FDCSP: variants seen among roughly 807,000 people sequenced by gnomAD.
The protein encoded by FDCSP is follicular dendritic cell secreted protein, also known as follicular dendritic cell secreted peptide.
Under a neutral mutation model 8.9 loss-of-function variants are expected in FDCSP, and 8 were observed. That is an observed-to-expected ratio of 0.90 (90% confidence interval 0.53 to 1.63). FDCSP has a LOEUF of 1.63. FDCSP is among the 40% of genes most tolerant of loss of function. The probability of loss-of-function intolerance (pLI) is 0.00; values close to 1 mark genes in which losing one functional copy is unlikely to be tolerated. For synonymous variants in FDCSP, 34 were observed against 34.5 expected, an observed-to-expected ratio of 0.98 and a Z score of 0.06; for missense variants, 101 against 103.6, an observed-to-expected ratio of 0.98 and a Z score of 0.11.
chr4:70,232,883 A>G, intron 2 of FDCSP, 111 bp from the exon 3 acceptor site: 1 of 959,370 alleles, frequency 1.0e-6, no homozygotes, highest in Non-Finnish European at 1.6e-6. Context: ...GTATTTTAAA[A>G]AATGGTTATT....
intron 1 of FDCSP, among the ~76,000 whole-genome samples, chr4:70,227,395 A>C (rs566103082): frequency 5.1e-4 from 77 of 151,874 alleles, no homozygotes; most frequent in Non-Finnish European, 1.0e-3. Flanking sequence ...GTATCAGAAA[A>C]TAAAGGCAGA....
At chr4:70,230,600 G>A (rs1408226831) in intron 1 of FDCSP, among the ~76,000 whole-genome samples, 2 of 151,564 alleles carry the variant, frequency 1.3e-5, no homozygotes, top group African/African-American at 4.8e-5. Context: ...ATGATCCATG[G>A]ACTGCAGGAT....
chr4:70,227,182 G>A (rs1730000841), intron 1 of FDCSP, among the ~76,000 whole-genome samples: 2 of 151,646 alleles, frequency 1.3e-5, no homozygotes, highest in Non-Finnish European at 3.0e-5. Context: ...CATAGAAAGT[G>A]GACTATGTAT....
intron 3 of FDCSP, 128 bp from the exon 4 acceptor site, chr4:70,233,892 A>G (rs920488245): frequency 8.7e-6 from 7 of 806,304 alleles, no homozygotes; most frequent in Non-Finnish European, 1.4e-5. Context: ...CACAGAAAGG[A>G]TAAAGGATTT....
rs527350549 is a variant in FDCSP, at chr4:70,226,554, A to G, written c.-1+372A>G. ...GCAAACAGAGGGAATACGCCCCGCCAGAGATTCTCTAAAGTCTGAGCAAGT... is the reference window on the plus strand; with the variant it reads ...GCAAACAGAGGGAATACGCCCCGCCGGAGATTCTCTAAAGTCTGAGCAAGT... On this transcript the variant is annotated intron_variant, in intron 1 of 4. Transcript: ENST00000317987. Among the ~76,000 whole-genome samples, 10 of 151,982 alleles carry G rather than the reference A, an allele frequency of 6.6e-5. No homozygotes were observed. In the South Asian group the frequency reaches 2.1e-3, roughly 31 times the overall value.
intron 2 of FDCSP, among the ~76,000 whole-genome samples, chr4:70,231,510 G>A (rs1730082744): frequency 6.6e-6 from 1 of 151,518 alleles, no homozygotes; most frequent in African/African-American, 2.4e-5. Context: ...TGAACCTAAT[G>A]ACATTGTGGC....
intron 4 of FDCSP, 49 bp from the exon 5 acceptor site, chr4:70,235,036 G>T (rs534811825): frequency 2.0e-5 from 3 of 151,616 alleles, no homozygotes; most frequent in African/African-American, 7.2e-5. Context: ...ATGTTTCCAA[G>T]AAAATGACCC....
intron 1 of FDCSP, among the ~76,000 whole-genome samples, chr4:70,226,493 C>T (rs1000771592): frequency 1.3e-5 from 2 of 151,598 alleles, no homozygotes; most frequent in African/African-American, 2.4e-5. Context: ...ACAACAGAGC[C>T]TCAGGTTTAT....
intron 2 of FDCSP, 64 bp from the exon 3 acceptor site, chr4:70,232,930 G>C: frequency 7.8e-7 from 1 of 1,280,244 alleles, no homozygotes. Flanking sequence ...TCATGCATAT[G>C]TATATATTTA....
At position 70,233,025 on chromosome 4, in the gene FDCSP, G is replaced by A. The variant is rs1185931989; in HGVS notation, c.89G>A (p.Ser30Asn). ...VSQDQEREKR[S>N]ISDSDELASG... ...CAAGACCAGGAACGAGAAAAAAGAAGTGTAAGTTACCTTTTCTCTTTTTTA... is the reference window on the plus strand; with the variant it reads ...CAAGACCAGGAACGAGAAAAAAGAAATGTAAGTTACCTTTTCTCTTTTTTA... Residue 30 changes from serine (S) to asparagine (N), a missense_variant and splice_region_variant, in exon 3 of 5, where the codon AGT becomes AAT. Ser to Asn is a conservative substitution (Grantham distance 46). Coordinates refer to ENST00000317987, the MANE Select transcript of FDCSP (RefSeq NM_152997.4). The A allele has an allele frequency of 6.3e-7, 1 of 1,594,000 alleles. No individual in the cohort carries two copies. Among genetic ancestry groups the A allele is most frequent in the Non-Finnish European group, 8.5e-7 (1 of 1,171,908 alleles).
At chr4:70,228,996 C>T (rs1377629372) in intron 1 of FDCSP, among the ~76,000 whole-genome samples, 3 of 151,758 alleles carry the variant, frequency 2.0e-5, no homozygotes, top group African/African-American at 7.3e-5. Context: ...TTAAAAGAGT[C>T]AGCCTGTCCT....
At chr4:70,230,766 C>T (rs1285673735) in intron 1 of FDCSP, among the ~76,000 whole-genome samples, 3 of 151,724 alleles carry the variant, frequency 2.0e-5, no homozygotes, top group African/African-American at 7.3e-5. Context: ...TAAATAACCG[C>T]TTACTTCCAA....
At chr4:70,229,602 T>C (rs1034240985) in intron 1 of FDCSP, among the ~76,000 whole-genome samples, 4 of 151,706 alleles carry the variant, frequency 2.6e-5, no homozygotes, top group African/African-American at 7.3e-5. Context: ...GAAGGCATTG[T>C]AGGGTTATTA....
chr4:70,228,321 G>A (rs996908939), intron 1 of FDCSP, among the ~76,000 whole-genome samples: 11 of 151,666 alleles, frequency 7.3e-5, no homozygotes, highest in East Asian at 1.9e-4. Context: ...AAGTTTTACC[G>A]TTAGATTGAA....
intron 1 of FDCSP, among the ~76,000 whole-genome samples, chr4:70,229,285 C>A (rs1190883988): frequency 6.6e-6 from 1 of 151,658 alleles, no homozygotes; most frequent in Non-Finnish European, 1.5e-5. Flanking sequence ...GCATAGGGGC[C>A]TTCTTCTAGA....
In FDCSP at chr4:70,231,178, T is replaced by A; in HGVS notation, c.1-17T>A. 6.3e-7 allele frequency: 1 copy of A among 1,581,744 alleles called. No individual in the cohort carries two copies. The highest frequency in any genetic ancestry group is 8.6e-7 in the Non-Finnish European group (1 of 1,162,886). On this transcript the variant is annotated splice_polypyrimidine_tract_variant and intron_variant, in intron 1 of 4. Transcript: ENST00000317987. ...AAATGAAAGTTCTTCTTATTTTTTATTTACTCCATTTTGCAGATGAAGAAA... is the reference window on the plus strand; with the variant it reads ...AAATGAAAGTTCTTCTTATTTTTTAATTACTCCATTTTGCAGATGAAGAAA...
At chr4:70,231,436 C>A (rs1470572757) in intron 2 of FDCSP, among the ~76,000 whole-genome samples, 185 bp downstream of exon 2, 1 of 151,494 alleles carries the variant, frequency 6.6e-6, no homozygotes, top group African/African-American at 2.4e-5. Context: ...CTTGAGCCCA[C>A]AAGTTCAAGA....
intron 1 of FDCSP, among the ~76,000 whole-genome samples, chr4:70,227,194 T>A (rs1235091052): frequency 6.6e-6 from 1 of 151,722 alleles, no homozygotes; most frequent in East Asian, 1.9e-4. Context: ...ACTATGTATA[T>A]GTATGTGTGT....
intron 2 of FDCSP, 52 bp from the exon 3 acceptor site, chr4:70,232,942 T>G (rs554286762): frequency 2.1e-6 from 3 of 1,426,314 alleles, no homozygotes; most frequent in Non-Finnish European, 2.9e-6. Context: ...ATATATTTAT[T>G]TGTGTGTTTT....
Sources: gnomAD v4.1 joint callset for allele counts (sites outside exome capture counted in the v4.1 genomes callset) on GRCh38, gnomAD v4.1.1 for gene constraint, MANE v1.5 for transcripts, NCBI Gene and HGNC (gene_info 2026-07-23, HGNC 2026-07-21) for gene names.